Variants in CACNA2D3 observed in about 807,000 individuals in gnomAD.
CACNA2D3 encodes the protein calcium voltage-gated channel auxiliary subunit alpha2delta 3.
A neutral mutation model predicts 160.6 loss-of-function variants in CACNA2D3; 60 were observed. The observed-to-expected ratio is 0.37, with a 90% CI of 0.30 to 0.46. The LOEUF is 0.46. Among genes scored for constraint, CACNA2D3 ranks in the 20% least tolerant of loss-of-function variants. The pLI is 1.00. For missense variants in CACNA2D3, 1,205 were observed against 1,365.0 expected, an observed-to-expected ratio of 0.88 and a Z score of 1.85; for synonymous variants, 558 against 492.9, an observed-to-expected ratio of 1.13 and a Z score of -1.75.
intron 2 of CACNA2D3, among the ~76,000 whole-genome samples, chr3:54,303,818 G>GTTTTTTTTTTTTTTTTTTTTTTT (rs71617795): frequency 3.5e-5 from 4 of 115,006 alleles, no homozygotes; most frequent in African/African-American, 1.0e-4. Flanking sequence ...CTTTTTTTCT[G>GTTTTTTTTTTTTTTTTTTTTTTT]TTTTTTTTTT....
chr3:54,827,714 C>T (rs1703777890), intron 14 of CACNA2D3, among the ~76,000 whole-genome samples: 1 of 152,194 alleles, frequency 6.6e-6, no homozygotes, highest in African/African-American at 2.4e-5. Context: ...AGAGGGAGCA[C>T]TAGCCCCAGA....
chr3:54,433,432 T>C (rs1387416292), intron 4 of CACNA2D3, among the ~76,000 whole-genome samples: 1 of 152,230 alleles, frequency 6.6e-6, no homozygotes, highest in African/African-American at 2.4e-5. Context: ...TTTCCTTTGA[T>C]CAAATATTCT....
chr3:54,838,628 A>C lies in CACNA2D3; in HGVS notation c.1531A>C (p.Lys511Gln). Residue 511 changes from lysine (K) to glutamine (Q), a missense_variant, in exon 16 of 38, where the codon AAG becomes CAG. By Grantham distance (53) the Lys-to-Gln change is moderately conservative (BLOSUM62 1). Transcript: ENST00000474759. ...GTDVPVKELL[K>Q]TIPKYKLGIH... ...AGATGTCCCAGTGAAAGAACTTCTGAAGACCATCCCCAAATACAAGGTAAT... is the reference window on the plus strand; with the variant it reads ...AGATGTCCCAGTGAAAGAACTTCTGCAGACCATCCCCAAATACAAGGTAAT... The C allele has an allele frequency of 6.2e-7, 1 of 1,612,678 alleles. No homozygotes were observed. The highest frequency in any genetic ancestry group is 2.2e-5 in the East Asian group (1 of 44,876).
intron 27 of CACNA2D3, among the ~76,000 whole-genome samples, chr3:54,917,291 T>G (rs1427926699): frequency 6.6e-6 from 1 of 152,226 alleles, no homozygotes; most frequent in East Asian, 1.9e-4. Context: ...CATGCAACTC[T>G]TCAAGACCAT....
chr3:54,958,267 CCTATAATCCCAG>C (rs1701950069), intron 27 of CACNA2D3, among the ~76,000 whole-genome samples: 6 of 152,236 alleles, frequency 3.9e-5, no homozygotes, highest in Admixed American at 3.9e-4. Context: ...GTGGCTTCAG[CCTATAATCCCAG>C]CTACTCAGGA....
At chr3:54,282,625 T>G (rs1473040790) in intron 2 of CACNA2D3, among the ~76,000 whole-genome samples, 2 of 152,220 alleles carry the variant, frequency 1.3e-5, no homozygotes, top group Non-Finnish European at 2.9e-5. Flanking sequence ...ACTGTCCTTG[T>G]GATTCTTAAG....
At chr3:54,761,569 A>C (rs1045074059) in intron 12 of CACNA2D3, among the ~76,000 whole-genome samples, 1 of 152,196 alleles carries the variant, frequency 6.6e-6, no homozygotes, top group Non-Finnish European at 1.5e-5. Flanking sequence ...ACCATCTAGG[A>C]GCATTGCTAG....
chr3:54,976,162 A>G (rs150432197), intron 29 of CACNA2D3, among the ~76,000 whole-genome samples: 225 of 151,872 alleles, frequency 1.5e-3, no homozygotes, highest in African/African-American at 5.2e-3. Flanking sequence ...CCTAGACCCT[A>G]CTGTGTCCTG....
chr3:54,894,666 G>A (rs774905177), intron 25 of CACNA2D3: 14 of 506,832 alleles, frequency 2.8e-5, no homozygotes, highest in South Asian at 1.7e-4. Context: ...TGTGACCCAG[G>A]GTAGAGAGTA....
intron 3 of CACNA2D3, among the ~76,000 whole-genome samples, chr3:54,369,885 A>C (rs1205415066): frequency 6.6e-6 from 1 of 152,232 alleles, no homozygotes; most frequent in African/African-American, 2.4e-5. Context: ...ATGTGACAAC[A>C]AATTCCTACA....
chr3:54,688,979 CAAAA>C (rs1162900126), intron 11 of CACNA2D3, among the ~76,000 whole-genome samples: 17 of 31,428 alleles, frequency 5.4e-4, no homozygotes, highest in South Asian at 2.9e-3. Context: ...GAGACTGTCT[CAAAA>C]AAAAAAAAAA....
intron 2 of CACNA2D3, among the ~76,000 whole-genome samples, chr3:54,213,095 C>T (rs1007716447): frequency 3.7e-4 from 57 of 152,074 alleles, no homozygotes; most frequent in African/African-American, 1.4e-3. Flanking sequence ...ACCAATAAAC[C>T]AGATGACCCC....
At chr3:54,735,999 A>G (rs1257578838) in intron 11 of CACNA2D3, among the ~76,000 whole-genome samples, 1 of 102,382 alleles carries the variant, frequency 9.8e-6, no homozygotes, top group Non-Finnish European at 2.1e-5. Flanking sequence ...ATATACATAT[A>G]TATATATGTA....
At chr3:54,761,832 T>C (rs772853953) in intron 12 of CACNA2D3, among the ~76,000 whole-genome samples, 5 of 152,128 alleles carry the variant, frequency 3.3e-5, no homozygotes, top group Non-Finnish European at 5.9e-5. Context: ...CCAACCTGGT[T>C]TGGGGTTGGC....
intron 13 of CACNA2D3, among the ~76,000 whole-genome samples, chr3:54,778,509 G>A (rs745961728): frequency 6.6e-6 from 1 of 152,058 alleles, no homozygotes; most frequent in Non-Finnish European, 1.5e-5. Context: ...GACCTCCTTG[G>A]ATGGACCTCC....
intron 17 of CACNA2D3, among the ~76,000 whole-genome samples, chr3:54,854,865 G>C (rs937180705): frequency 7.9e-5 from 12 of 152,184 alleles, no homozygotes; most frequent in Non-Finnish European, 1.2e-4. Flanking sequence ...GTCTTCAGAA[G>C]AAAAACCAAG....
chr3:54,908,549 C>G (rs1292167922), intron 27 of CACNA2D3, among the ~76,000 whole-genome samples: 1 of 152,044 alleles, frequency 6.6e-6, no homozygotes, highest in East Asian at 1.9e-4. Context: ...AACACCACCT[C>G]TACAAAAAAA....
intron 11 of CACNA2D3, among the ~76,000 whole-genome samples, chr3:54,727,355 C>A (rs553378724): frequency 3.8e-4 from 58 of 152,278 alleles, no homozygotes; most frequent in African/African-American, 1.3e-3. Flanking sequence ...GTGGCAATTC[C>A]TCAAGGATCT....
At chr3:54,852,203 G>C (rs887503053) in intron 17 of CACNA2D3, among the ~76,000 whole-genome samples, 1 of 152,212 alleles carries the variant, frequency 6.6e-6, no homozygotes, top group African/African-American at 2.4e-5. Context: ...AGGTTGCCCA[G>C]AATTCAAGGG....
Sources: gnomAD v4.1 joint callset for allele counts (sites outside exome capture counted in the v4.1 genomes callset) on GRCh38, gnomAD v4.1.1 for gene constraint, MANE v1.5 for transcripts, NCBI Gene and HGNC (gene_info 2026-07-23, HGNC 2026-07-21) for gene names.